The following RPS6KA2 variants were observed in gnomAD, a reference collection of about 807,000 sequenced individuals.
RPS6KA2 encodes ribosomal protein S6 kinase alpha-2.
RPS6KA2 carries 42 observed loss-of-function variants against 91.8 expected under a neutral mutation model. The ratio of observed to expected loss-of-function variants is 0.46; its 90% CI spans 0.36 to 0.59. The LOEUF is 0.59. Ranked by LOEUF, RPS6KA2 falls within the 20% of genes least tolerant of loss-of-function variation. The probability of loss-of-function intolerance (pLI) is 0.00; values close to 1 mark genes in which losing one functional copy is unlikely to be tolerated. For missense variants in RPS6KA2, 798 were observed against 978.5 expected (o/e 0.82, Z 2.46); for synonymous variants, 414 against 393.6 (o/e 1.05, Z -0.61).
chr6:166,807,020 T>A (rs1409477449), intron 2 of RPS6KA2, among the ~76,000 whole-genome samples: 2 of 152,168 alleles, frequency 1.3e-5, no homozygotes, highest in Non-Finnish European at 1.5e-5. Flanking sequence ...AATATACACA[T>A]ATAAATTTAA....
chr6:166,846,667 T>C (rs555663151), intron 2 of RPS6KA2, among the ~76,000 whole-genome samples: 1 of 152,326 alleles, frequency 6.6e-6, no homozygotes, highest in Admixed American at 6.5e-5. Context: ...CATTGCTTTA[T>C]TATTAAAACC....
intron 2 of RPS6KA2, among the ~76,000 whole-genome samples, chr6:166,736,444 G>C (rs139012712): frequency 3.9e-4 from 60 of 152,282 alleles, no homozygotes; most frequent in Non-Finnish European, 6.9e-4. Flanking sequence ...TTGCCACTTA[G>C]TGTCATTAAC....
At chr6:166,566,133 T>C (rs562780999) in intron 1 of RPS6KA2, among the ~76,000 whole-genome samples, 5 of 152,254 alleles carry the variant, frequency 3.3e-5, no homozygotes, top group Admixed American at 1.3e-4. Context: ...CATCCTAGGG[T>C]GTACAGAAAG....
chr6:166,421,638 C>A lies in RPS6KA2; in HGVS notation c.1743+1618G>T, dbSNP rs73269211. ...TCTAAAAATTCTCTGTTCTTTGTTGCAGATACCATGTAGGCTGGATTCAAA... is the reference window on the plus strand; with the variant it reads ...TCTAAAAATTCTCTGTTCTTTGTTGAAGATACCATGTAGGCTGGATTCAAA... On this transcript the variant is annotated intron_variant, in intron 17 of 20. Transcript: ENST00000265678. Among the ~76,000 whole-genome samples the A allele has an allele frequency of 9.0e-3, 1,377 of 152,258 alleles. 16 individuals are homozygous for A. The highest frequency in any genetic ancestry group is 0.029 in the African/African-American group (1,217 of 41,538).
In RPS6KA2 at chr6:166,418,316, T is replaced by C; in HGVS notation, c.1847A>G (p.Asp616Gly). 6.2e-7 allele frequency: 1 copy of C among 1,613,370 alleles called. No individual in the cohort carries two copies. Among genetic ancestry groups the C allele is most frequent in the Non-Finnish European group, 8.5e-7 (1 of 1,179,842 alleles). The change falls in exon 19 of 21, where the codon GAC (aspartate) becomes GGC (glycine). Residue 616 changes from aspartate to glycine, a missense_variant. Coordinates refer to ENST00000265678, the MANE Select transcript of RPS6KA2 (RefSeq NM_021135.6). This position sits in a 1 kb window ranked among gnomAD's most constrained non-coding sequence, Gnocchi z 4.9. ...CGCCAGAATCTCCTCAGGGGTATCG[T>C]CTGGCCCATTTGCAAAAGGGGTAAA... ...AGFTPFANGP[D>G]DTPEEILARI...
chr6:166,797,783 A>G (rs1779262612), intron 2 of RPS6KA2, among the ~76,000 whole-genome samples: 2 of 152,078 alleles, frequency 1.3e-5, no homozygotes, highest in Non-Finnish European at 2.9e-5. Flanking sequence ...ATTAGTTTTT[A>G]TTAGAAAAAA....
intron 2 of RPS6KA2, among the ~76,000 whole-genome samples, chr6:166,688,645 G>A (rs537928027): frequency 2.6e-5 from 4 of 152,246 alleles, no homozygotes; most frequent in African/African-American, 9.6e-5. Context: ...GGTAGGGGGC[G>A]GGAAGGCGAG....
At chr6:166,446,565 T>C (rs1779685604) in intron 14 of RPS6KA2, among the ~76,000 whole-genome samples, 2 of 152,184 alleles carry the variant, frequency 1.3e-5, no homozygotes, top group South Asian at 4.2e-4. Flanking sequence ...CCACAGAGTT[T>C]GACCTCAACA....
At chr6:166,606,971 G>A (rs1785975995) in intron 1 of RPS6KA2, among the ~76,000 whole-genome samples, 1 of 152,080 alleles carries the variant, frequency 6.6e-6, no homozygotes, top group Non-Finnish European at 1.5e-5. Flanking sequence ...GTGAAATCCT[G>A]TCTCTACTAA....
intron 2 of RPS6KA2, among the ~76,000 whole-genome samples, chr6:166,705,638 A>T (rs1419762100): frequency 6.6e-6 from 1 of 152,176 alleles, no homozygotes; most frequent in African/African-American, 2.4e-5. Context: ...AAACAAAATA[A>T]ATTAGTGGTA....
At chr6:166,625,023 G>T (rs1786801260) in intron 1 of RPS6KA2, among the ~76,000 whole-genome samples, 1 of 152,030 alleles carries the variant, frequency 6.6e-6, no homozygotes, top group South Asian at 2.1e-4. Flanking sequence ...TAGTAGAGAT[G>T]GGGTTTCTCC....
chr6:166,550,637 T>C (rs1011535031), intron 1 of RPS6KA2, among the ~76,000 whole-genome samples: 9 of 152,132 alleles, frequency 5.9e-5, no homozygotes, highest in African/African-American at 2.2e-4. Flanking sequence ...GATTTTTTCC[T>C]GGGAGGTGGG....
At chr6:166,747,098 C>T (rs1222132097) in intron 2 of RPS6KA2, among the ~76,000 whole-genome samples, 1 of 152,190 alleles carries the variant, frequency 6.6e-6, no homozygotes, top group Non-Finnish European at 1.5e-5. Context: ...CATAGACGGG[C>T]TTTATCAAAT....
chr6:166,540,860 T>C (rs572047065), intron 1 of RPS6KA2, among the ~76,000 whole-genome samples: 2 of 152,194 alleles, frequency 1.3e-5, no homozygotes, highest in Non-Finnish European at 2.9e-5. Context: ...GGTGGCTTCC[T>C]GCACAAAAAA....
chr6:166,532,844 AGT>A lies in RPS6KA2; in HGVS notation c.217-1533_217-1532del, dbSNP rs369394546. Among the ~76,000 whole-genome samples, 304 of 149,218 alleles carry A rather than the reference AGT, an allele frequency of 2.0e-3. 3 individuals are homozygous for A. Among genetic ancestry groups the A allele is most frequent in the Non-Finnish European group, 3.2e-3 (211 of 66,974 alleles). ...TGGAGTGTGAGAGAGAGAGAGAGAG[AGT>A]GTGTGTGTGTGTGTGTGTGTCCCCA... On this transcript the variant is annotated intron_variant, in intron 2 of 20. Coordinates refer to ENST00000265678, the MANE Select transcript of RPS6KA2 (RefSeq NM_021135.6).
At chr6:166,420,076 A>G (rs1778669406) in intron 17 of RPS6KA2, 118 bp from the exon 18 acceptor site, 3 of 903,974 alleles carry the variant, frequency 3.3e-6, no homozygotes, top group African/African-American at 1.6e-5. Flanking sequence ...GGGCGGTGCC[A>G]TGTCTTCGGT....
At chr6:166,794,479 G>A (rs111533540) in intron 2 of RPS6KA2, among the ~76,000 whole-genome samples, 90 of 151,806 alleles carry the variant, frequency 5.9e-4, no homozygotes, top group Middle Eastern at 6.8e-3. Context: ...TAGGAATACC[G>A]TTTGACCTAG....
rs920358337 is a variant in RPS6KA2 at position 166,666,015 on chromosome 6, A to C, written c.124-127231T>G. 1.3e-5 allele frequency among the ~76,000 whole-genome samples: 2 copies of C among 152,206 alleles called. No homozygotes were observed. The highest frequency in any genetic ancestry group is 2.9e-5 in the Non-Finnish European group (2 of 68,040). On this transcript the variant is annotated intron_variant, in intron 2 of 21. Transcript: ENST00000503859. This position sits in a 1 kb window ranked among gnomAD's most constrained non-coding sequence, Gnocchi z 4.0. Reference sequence around the variant, plus strand: ...ATCAAGTGGAAAAGCCCACATCACCACAGGCTGCGATCTGAAGGAGCAGAG... The same window carrying C: ...ATCAAGTGGAAAAGCCCACATCACCCCAGGCTGCGATCTGAAGGAGCAGAG...
At chr6:166,470,669 C>A (rs183132572) in intron 10 of RPS6KA2, among the ~76,000 whole-genome samples, 3 of 152,136 alleles carry the variant, frequency 2.0e-5, no homozygotes, top group Non-Finnish European at 4.4e-5. Flanking sequence ...CCCCCCAGAA[C>A]GAGCCCAGTG....
Sources: gnomAD v4.1 joint callset for allele counts (sites outside exome capture counted in the v4.1 genomes callset) on GRCh38, gnomAD v4.1.1 for gene constraint, Gnocchi (gnomAD v3.1) non-coding constraint, MANE v1.5 for transcripts, NCBI Gene and HGNC (gene_info 2026-07-23, HGNC 2026-07-21) for gene names.